Variants in EGFR observed in about 807,000 individuals in gnomAD.
EGFR encodes avian erythroblastic leukemia viral (v-erb-b) oncogene homolog.
EGFR carries 58 observed loss-of-function variants against 143.0 expected under a neutral mutation model. The observed-to-expected ratio is 0.41, with a 90% CI of 0.33 to 0.50. The LOEUF (loss-of-function observed/expected upper bound fraction) is 0.50, where lower values mean the gene tolerates loss of function less well. EGFR is among the 20% of genes least tolerant of loss of function. The pLI, the probability that EGFR is intolerant of heterozygous loss-of-function variation, is 0.39. For missense variants in EGFR, 1,307 were observed against 1,579.0 expected (o/e 0.83, Z 2.92); for synonymous variants, 613 against 594.4 (o/e 1.03, Z -0.45).
intron 1 of EGFR, among the ~76,000 whole-genome samples, chr7:55,030,390 A>G (rs1787182024): frequency 6.6e-6 from 1 of 152,114 alleles, no homozygotes; most frequent in African/African-American, 2.4e-5. Flanking sequence ...CTTTTTTGTT[A>G]TGAAGTAGTT....
rs182440451 is a variant in EGFR, at chr7:55,100,641, G to A, written c.89-41645G>A. ...CCACTTCCGCCCTGGGTGGAGCACCGTGCTGGAGACCCACGCCTGCCAAGG... is the reference window on the plus strand; with the variant it reads ...CCACTTCCGCCCTGGGTGGAGCACCATGCTGGAGACCCACGCCTGCCAAGG... On this transcript the variant is annotated intron_variant, in intron 1 of 27. Transcript: ENST00000275493. 2.4e-4 allele frequency among the ~76,000 whole-genome samples: 36 copies of A among 152,298 alleles called. No homozygotes were observed. In the East Asian group the frequency reaches 6.0e-3, roughly 25 times the overall value.
chr7:55,194,291 G>C (rs1462656532), intron 22 of EGFR, among the ~76,000 whole-genome samples: 1 of 149,166 alleles, frequency 6.7e-6, no homozygotes, highest in Non-Finnish European at 1.5e-5. Flanking sequence ...CAGTGGTGCA[G>C]TCTCGGCTCA....
intron 1 of EGFR, among the ~76,000 whole-genome samples, chr7:55,116,088 T>C (rs1792825014): frequency 6.6e-6 from 1 of 152,232 alleles, no homozygotes; most frequent in South Asian, 2.1e-4. Flanking sequence ...TTTTAATACC[T>C]GAAAACATGC....
Position 55,161,501 on chromosome 7 carries a change from G to A in EGFR, c.1501G>A (p.Ala501Thr), listed in dbSNP as rs1785700447. Residue 501 changes from alanine (A) to threonine (T), a missense_variant and splice_region_variant, in exon 13 of 28, where the codon GCC becomes ACC. Ala to Thr is a moderately conservative substitution (Grantham distance 58). This residue lies in a region of EGFR where 250 missense variants were observed against 295.1 expected (regional missense o/e 0.85). Transcript: ENST00000275493. ...ISNRGENSCK[A>T]TGQVCHALCS... ...TGTGACCCACTCTGTCTCCGCAGAG[G>A]CCACAGGCCAGGTCTGCCATGCCTT... is the stretch of plus-strand genomic sequence containing the variant. 5 of 1,613,728 alleles carry A rather than the reference G, an allele frequency of 3.1e-6. No homozygotes were observed. The highest frequency in any genetic ancestry group is 1.3e-5 in the African/African-American group (1 of 74,962).
At chr7:55,171,242 G>C (rs1353353682) in intron 16 of EGFR, 29 bp downstream of exon 16, 5 of 1,614,020 alleles carry the variant, frequency 3.1e-6, no homozygotes, top group Non-Finnish European at 4.2e-6. Context: ...GTGTCACATG[G>C]ACCTCGTCAA....
rs1237627217 is a variant in EGFR at position 55,173,129 on chromosome 7, G to T, written c.2061+5G>T. 2.5e-6 allele frequency: 4 copies of T among 1,609,262 alleles called. 1 individual carries two copies. The highest frequency in any genetic ancestry group is 3.4e-4 in the Middle Eastern group (2 of 5,864). On this transcript the variant is annotated splice_donor_5th_base_variant and intron_variant, in intron 17 of 27. Transcript: ENST00000275493. ...AGGCTGCTGCAGGAGAGGGAGGTGAGTGCCAGTCCTGGGTGGGCTCAGGAG... is the reference window on the plus strand; with the variant it reads ...AGGCTGCTGCAGGAGAGGGAGGTGATTGCCAGTCCTGGGTGGGCTCAGGAG...
intron 22 of EGFR, among the ~76,000 whole-genome samples, chr7:55,197,171 A>G (rs1787654646): frequency 6.6e-6 from 1 of 152,028 alleles, no homozygotes; most frequent in Admixed American, 6.5e-5. Flanking sequence ...TGTTTGTGTC[A>G]TCTCTGATTT....
chr7:55,195,490 G>A (rs933813748), intron 22 of EGFR, among the ~76,000 whole-genome samples: 6 of 152,204 alleles, frequency 3.9e-5, no homozygotes, highest in Middle Eastern at 3.4e-3. Flanking sequence ...TTGTGGTTTC[G>A]TATTTTTTAG....
chr7:55,119,648 T>C (rs1365533386), intron 1 of EGFR, among the ~76,000 whole-genome samples: 1 of 152,230 alleles, frequency 6.6e-6, no homozygotes, highest in Non-Finnish European at 1.5e-5. Context: ...ATCTGTGGGA[T>C]TCCCCTCGCT....
intron 1 of EGFR, among the ~76,000 whole-genome samples, chr7:55,062,077 C>T (rs1789216381): frequency 6.6e-6 from 1 of 152,164 alleles, no homozygotes; most frequent in East Asian, 1.9e-4. Context: ...AGGAGAGGAA[C>T]TCGATCCCCA....
At chr7:55,063,715 C>T (rs1789336050) in intron 1 of EGFR, among the ~76,000 whole-genome samples, 1 of 152,132 alleles carries the variant, frequency 6.6e-6, no homozygotes, top group Non-Finnish European at 1.5e-5. Context: ...AGGTCTGCAC[C>T]TCGAGAGGAG....
intron 1 of EGFR, among the ~76,000 whole-genome samples, chr7:55,111,934 G>A (rs1363997119): frequency 4.6e-5 from 7 of 152,164 alleles, no homozygotes; most frequent in Admixed American, 6.5e-5. Flanking sequence ...ACCACCTGAC[G>A]GATGGCTGAT....
chr7:55,200,384 C>G lies in EGFR; in HGVS notation c.2917C>G (p.Arg973Gly), dbSNP rs748491031. ...GATCATCGAATTCTCCAAAATGGCCCGAGACCCCCAGCGCTACCTTGTCAT... is the reference window on the plus strand; with the variant it reads ...GATCATCGAATTCTCCAAAATGGCCGGAGACCCCCAGCGCTACCTTGTCAT... ...ELIIEFSKMA[R>G]DPQRYLVIQG... The change falls in exon 24 of 28, where the codon CGA (arginine) becomes GGA (glycine). Residue 973 changes from arginine (R) to glycine (G), a missense_variant. Coordinates refer to ENST00000275493, the MANE Select transcript of EGFR (RefSeq NM_005228.5). The G allele has an allele frequency of 3.7e-6, 6 of 1,613,988 alleles. No individual in the cohort carries two copies. In the Admixed American group the frequency reaches 6.7e-5, roughly 18 times the overall value.
intron 17 of EGFR, among the ~76,000 whole-genome samples, chr7:55,173,388 A>C (rs982500078): frequency 1.3e-5 from 2 of 152,222 alleles, no homozygotes; most frequent in African/African-American, 2.4e-5. Context: ...CTGTGTGTGC[A>C]TAGGAGGGAG....
chr7:55,170,520 C>T lies in EGFR; in HGVS notation c.1881-655C>T. The T allele has an allele frequency of 1.9e-6, 3 of 1,613,644 alleles. No individual in the cohort carries two copies. The East Asian group carries it at 6.7e-5, about 36-fold the overall frequency. ...ATGCCTGGCCTTCTGCATCTGTGAT[C>T]ATCACGGCCTCCTCCTGCCACTGAG... On this transcript the variant is annotated intron_variant, in intron 15 of 27. Transcript: ENST00000275493.
At chr7:55,196,195 C>CTTTTTTTTTTTTTTTTTTTTTTTTTTT (rs1331766673) in intron 22 of EGFR, among the ~76,000 whole-genome samples, 185 of 55,354 alleles carry the variant, frequency 3.3e-3, no homozygotes, top group African/African-American at 4.8e-3. Flanking sequence ...TTTTTTTTTA[C>CTTTTTTTTTTTTTTTTTTTTTTTTTTT]TTTTCAATAA....
Position 55,211,414 on chromosome 7 carries a change from T to C in EGFR, c.*5797T>C, listed in dbSNP as rs1788233186. 1 of 152,244 alleles carries C rather than the reference T, an allele frequency of 6.6e-6. No homozygotes were observed. The highest frequency in any genetic ancestry group is 6.5e-5 in the Admixed American group (1 of 15,288). 9.4% of individuals were successfully genotyped at this position (152,244 alleles called of 1,614,324 possible). On this transcript the variant is annotated 3_prime_UTR_variant, in exon 28 of 28. Transcript: ENST00000275493. ...TAGAAACATTCAAGCAATAGCTTTATAGCTTCAACATATGGTACGTTTTAA... is the reference window on the plus strand; with the variant it reads ...TAGAAACATTCAAGCAATAGCTTTACAGCTTCAACATATGGTACGTTTTAA...
intron 19 of EGFR, among the ~76,000 whole-genome samples, chr7:55,178,643 G>A (rs1433474422): frequency 6.6e-6 from 1 of 152,164 alleles, no homozygotes; most frequent in Non-Finnish European, 1.5e-5. Flanking sequence ...TCCTGGCCCT[G>A]TCCAGTTCTG....
chr7:55,078,868 C>T (rs112382068), intron 1 of EGFR, among the ~76,000 whole-genome samples: 2 of 152,302 alleles, frequency 1.3e-5, no homozygotes, highest in African/African-American at 4.8e-5. Context: ...TCTCCACTCC[C>T]CATGCAGCCC....
Sources: allele counts gnomAD v4.1 joint callset (sites outside exome capture counted in the v4.1 genomes callset), GRCh38; gene constraint gnomAD v4.1.1; regional missense constraint gnomAD v4.1.1; transcripts MANE v1.5; gene names NCBI Gene and HGNC (gene_info 2026-07-23, HGNC 2026-07-21).